Variants in ATAD5 observed in about 807,000 individuals in gnomAD.
The protein encoded by ATAD5 is ATPase family AAA domain-containing protein 5.
A neutral mutation model predicts 176.9 loss-of-function variants in ATAD5; 58 were observed. The ratio of observed to expected loss-of-function variants is 0.33; its 90% CI spans 0.27 to 0.41. The LOEUF is 0.41. ATAD5 is among the 10% of genes least tolerant of loss of function. ATAD5 has a pLI of 1.00. For missense variants in ATAD5, 1,789 were observed against 2,094.1 expected (o/e 0.85, Z 2.84); for synonymous variants, 640 against 712.6 (o/e 0.90, Z 1.62).
chr17:30,857,629 A>G (rs887372025), intron 8 of ATAD5, among the ~76,000 whole-genome samples: 1 of 152,336 alleles, frequency 6.6e-6, no homozygotes, highest in African/African-American at 2.4e-5. Context: ...GTTAGATTAC[A>G]TAGCACATTT....
At chr17:30,841,401 A>C (rs1425688016) in intron 4 of ATAD5, among the ~76,000 whole-genome samples, 1 of 152,150 alleles carries the variant, frequency 6.6e-6, no homozygotes, top group Non-Finnish European at 1.5e-5. Context: ...TATACGTTCC[A>C]AGTACTCTCT....
Position 30,895,229 on chromosome 17 carries a change from T to G in ATAD5, c.*316T>G. ...CTATTTCAAGTGTTTATATTATATA[T>G]TAGCTTAATATTCAGATACATTATC... On this transcript the variant is annotated 3_prime_UTR_variant, in exon 23 of 23. Transcript: ENST00000321990. 1 of 182,434 alleles carries G rather than the reference T, an allele frequency of 5.5e-6. No homozygotes were observed. Among genetic ancestry groups the G allele is most frequent in the Non-Finnish European group, 1.1e-5 (1 of 88,502 alleles). The allele number at this position is 182,434 out of a possible 1,614,324, so 11.3% of individuals were successfully genotyped here. A position where few individuals can be genotyped will look rare whatever the true frequency, so the allele number is the denominator to read the frequency against.
chr17:30,884,424 CTTTTTTTTTT>C, intron 18 of ATAD5, among the ~76,000 whole-genome samples: 1 of 80,966 alleles, frequency 1.2e-5, no homozygotes, highest in East Asian at 3.0e-4. Context: ...CTTTTCTTTT[CTTTTTTTTTT>C]TTTTTTTTTT....
At chr17:30,873,874 A>G (rs1036316440) in intron 14 of ATAD5, among the ~76,000 whole-genome samples, 1 of 151,518 alleles carries the variant, frequency 6.6e-6, no homozygotes, top group Non-Finnish European at 1.5e-5. Flanking sequence ...TATTTTTAAA[A>G]CCAGTCTTTG....
chr17:30,860,648 G>T lies in ATAD5; in HGVS notation c.3136+36G>T, dbSNP rs1192605920. Reference sequence around the variant, plus strand: ...TAAAACATCCCAAAAGAAATAGATTGCTTTGAGGACATGCAAAGTGGAAAC... The same window carrying T: ...TAAAACATCCCAAAAGAAATAGATTTCTTTGAGGACATGCAAAGTGGAAAC... On this transcript the variant is annotated intron_variant, in intron 10 of 22. Coordinates refer to ENST00000321990, the MANE Select transcript of ATAD5 (RefSeq NM_024857.5). 3 of 1,477,942 alleles carry T rather than the reference G, an allele frequency of 2.0e-6. No homozygotes were observed. In the Admixed American group the frequency reaches 7.9e-5, roughly 39 times the overall value. 91.6% of individuals were successfully genotyped at this position (1,477,942 alleles called of 1,614,324 possible). A position where few individuals can be genotyped will look rare whatever the true frequency, so the allele number is the denominator to read the frequency against.
intron 19 of ATAD5, among the ~76,000 whole-genome samples, chr17:30,890,463 C>A (rs1909580309): frequency 6.8e-6 from 1 of 146,654 alleles, no homozygotes; most frequent in African/African-American, 2.5e-5. Context: ...GCTCTGTCAC[C>A]CAGGCTGGAG....
At chr17:30,882,375 C>T (rs1909079065) in intron 18 of ATAD5, among the ~76,000 whole-genome samples, 1 of 152,048 alleles carries the variant, frequency 6.6e-6, no homozygotes, top group Non-Finnish European at 1.5e-5. Flanking sequence ...CCAGCCTGGG[C>T]AACATTGGCG....
In ATAD5 at chr17:30,843,906, G is replaced by T; in HGVS notation, c.2242-7G>T. The T allele has an allele frequency of 1.5e-6, 2 of 1,323,942 alleles. No homozygotes were observed. Among genetic ancestry groups the T allele is most frequent in the South Asian group, 1.6e-5 (1 of 62,876 alleles). The allele number at this position is 1,323,942 out of a possible 1,614,324, so 82.0% of individuals were successfully genotyped here. A position where few individuals can be genotyped will look rare whatever the true frequency, so the allele number is the denominator to read the frequency against. On this transcript the variant is annotated splice_polypyrimidine_tract_variant and splice_region_variant and intron_variant, in intron 4 of 22. Transcript: ENST00000321990. The stretch of plus-strand genomic sequence containing the variant: ...TAATTAAAATTTATTCTCTTATTTT[G>T]TCTTAGGATTCTGTTATAATAATAG...
intron 14 of ATAD5, among the ~76,000 whole-genome samples, chr17:30,874,318 G>A (rs1256280075): frequency 2.6e-5 from 4 of 151,636 alleles, no homozygotes; most frequent in African/African-American, 4.8e-5. Flanking sequence ...TGAGGTGGGC[G>A]GATCACGAGG....
intron 6 of ATAD5, among the ~76,000 whole-genome samples, chr17:30,852,202 C>A (rs1450241113): frequency 6.6e-6 from 1 of 152,102 alleles, no homozygotes; most frequent in Non-Finnish European, 1.5e-5. Flanking sequence ...GGATTGTAAT[C>A]CATTCATATT....
intron 6 of ATAD5, among the ~76,000 whole-genome samples, chr17:30,847,036 C>A (rs551110258): frequency 5.9e-4 from 89 of 151,680 alleles, no homozygotes; most frequent in Non-Finnish European, 1.1e-3. Flanking sequence ...TGAGTTTTGA[C>A]AAATGTACAT....
At chr17:30,885,324 G>GCT (rs1909251280) in intron 18 of ATAD5, among the ~76,000 whole-genome samples, 1 of 152,158 alleles carries the variant, frequency 6.6e-6, no homozygotes, top group South Asian at 2.1e-4. Context: ...GGGATTACAA[G>GCT]CATGAGCCAC....
At chr17:30,862,851 A>G (rs73277974) in intron 10 of ATAD5, 15,984 of 152,166 alleles carry the variant, frequency 0.11, 955 homozygotes, top group South Asian at 0.24. Context: ...AAATGCTCCA[A>G]AATCCAAAAC....
chr17:30,858,856 T>C (rs1314315488), intron 9 of ATAD5, among the ~76,000 whole-genome samples: 4 of 152,218 alleles, frequency 2.6e-5, no homozygotes, highest in African/African-American at 9.6e-5. Flanking sequence ...TATTTTATTT[T>C]TTAATTTTTA....
intron 4 of ATAD5, among the ~76,000 whole-genome samples, chr17:30,841,364 ATTTG>A (rs1285966613): frequency 2.6e-5 from 4 of 152,062 alleles, no homozygotes; most frequent in Admixed American, 2.6e-4. Context: ...TTTTCACGGT[ATTTG>A]TTTTATTGTT....
chr17:30,858,962 C>T (rs1907455882), intron 9 of ATAD5, among the ~76,000 whole-genome samples: 1 of 152,070 alleles, frequency 6.6e-6, no homozygotes, highest in Admixed American at 6.5e-5. Context: ...TCTTGAACTC[C>T]TGGGCTCAAG....
rs957675070 is a variant in ATAD5, at chr17:30,876,255, A to G, written c.3608-119A>G. 1.5e-5 allele frequency: 13 copies of G among 843,448 alleles called. No individual in the cohort carries two copies. The African/African-American group carries it at 2.3e-4, about 15-fold the overall frequency. 52.2% of individuals were successfully genotyped at this position (843,448 alleles called of 1,614,324 possible). On this transcript the variant is annotated intron_variant, in intron 14 of 22. Coordinates refer to ENST00000321990, the MANE Select transcript of ATAD5 (RefSeq NM_024857.5). The stretch of plus-strand genomic sequence containing the variant: ...CATAGTATTTTTAAGAATGAAAGAA[A>G]ATTTCTGTGTCTTTGATTTTTAACT...
intron 10 of ATAD5, among the ~76,000 whole-genome samples, chr17:30,863,687 C>CA (rs1419969936): frequency 1.0e-5 from 1 of 96,344 alleles, no homozygotes; most frequent in East Asian, 3.1e-4. Flanking sequence ...TTTTTTGAGA[C>CA]AAAGTCTCGC....
chr17:30,851,318 A>G (rs1352681300), intron 6 of ATAD5, among the ~76,000 whole-genome samples: 1 of 148,538 alleles, frequency 6.7e-6, no homozygotes, highest in East Asian at 2.1e-4. Flanking sequence ...AACATGGTGA[A>G]ACCCCATCTC....
Sources: allele counts gnomAD v4.1 joint callset (sites outside exome capture counted in the v4.1 genomes callset), GRCh38; gene constraint gnomAD v4.1.1; transcripts MANE v1.5; gene names NCBI Gene and HGNC (gene_info 2026-07-23, HGNC 2026-07-21).